Variants in TSPEAR observed in about 807,000 individuals in gnomAD.
TSPEAR encodes thrombospondin type laminin G domain and EAR repeats, also known as thrombospondin-type laminin G domain and EAR repeat-containing protein.
A neutral mutation model predicts 71.6 loss-of-function variants in TSPEAR; 69 were observed. The observed-to-expected ratio is 0.96, with a 90% CI of 0.79 to 1.18. The LOEUF (loss-of-function observed/expected upper bound fraction) is 1.18, where lower values mean the gene tolerates loss of function less well. Among genes scored for constraint, TSPEAR ranks in the 50% most tolerant of loss-of-function variants. The pLI is 0.00. For synonymous variants in TSPEAR, 402 were observed against 387.2 expected (o/e 1.04, Z -0.45); for missense variants, 971 against 894.9 (o/e 1.09, Z -1.09).
At chr21:44,675,920 G>A in intron 1 of TSPEAR, 2 of 783,472 alleles carry the variant, frequency 2.6e-6, no homozygotes, top group East Asian at 2.4e-5. Flanking sequence ...GGCATATGCT[G>A]TCAGGATTTC....
chr21:44,524,047 GTCAC>G lies in TSPEAR; in HGVS notation c.1336+1602_1336+1605del, dbSNP rs587701169. Among the ~76,000 whole-genome samples, 37 of 151,342 alleles carry G rather than the reference GTCAC, an allele frequency of 2.4e-4. 1 individual carries two copies. The South Asian group carries it at 5.9e-3, about 24-fold the overall frequency. Reference sequence around the variant, plus strand: ...CAGGTAGTTAGTCAGTTGTCAGGTAGTCACTCAGTCATCAGTCAGTCAGGTAGTT... The same window carrying G: ...CAGGTAGTTAGTCAGTTGTCAGGTAGTCAGTCATCAGTCAGTCAGGTAGTT... On this transcript the variant is annotated intron_variant, in intron 8 of 11. Transcript: ENST00000323084.
chr21:44,568,092 G>T, intron 1 of TSPEAR, 87 bp from the exon 2 acceptor site: 1 of 1,029,964 alleles, frequency 9.7e-7, no homozygotes, highest in Non-Finnish European at 1.3e-6. Context: ...GGGCATCAGC[G>T]TGGCAGGCAC....
intron 2 of TSPEAR, among the ~76,000 whole-genome samples, chr21:44,556,585 C>G (rs1285436242): frequency 3.9e-5 from 6 of 152,086 alleles, no homozygotes; most frequent in African/African-American, 1.4e-4. Flanking sequence ...CCCAGCTACT[C>G]AGGAGGAGAG....
At chr21:44,633,466 T>C (rs1426929031) in intron 1 of TSPEAR, among the ~76,000 whole-genome samples, 1 of 152,270 alleles carries the variant, frequency 6.6e-6, no homozygotes, top group Admixed American at 6.5e-5. Context: ...CTAACTTCTC[T>C]TTTGATTTAT....
At chr21:44,616,791 T>G (rs1417341227) in intron 1 of TSPEAR, among the ~76,000 whole-genome samples, 2 of 152,240 alleles carry the variant, frequency 1.3e-5, no homozygotes, top group African/African-American at 4.8e-5. Context: ...CAAGCAGCCC[T>G]AAGGCAGCAC....
chr21:44,568,654 G>A (rs1310954659), intron 1 of TSPEAR, among the ~76,000 whole-genome samples: 1 of 152,124 alleles, frequency 6.6e-6, no homozygotes, highest in African/African-American at 2.4e-5. Flanking sequence ...GAGGGCATTC[G>A]GGGCTAGCAG....
At chr21:44,503,347 CA>C (rs2052091916) in intron 11 of TSPEAR, among the ~76,000 whole-genome samples, 1 of 131,186 alleles carries the variant, frequency 7.6e-6, no homozygotes, top group Non-Finnish European at 1.6e-5. Context: ...CGGGGGGAAG[CA>C]AGGCTCTGGG....
intron 1 of TSPEAR, among the ~76,000 whole-genome samples, chr21:44,689,739 A>ATATTTTTTTTTTTTTTTT (rs1555949531): frequency 5.5e-5 from 7 of 128,170 alleles, no homozygotes; most frequent in African/African-American, 2.2e-4. Flanking sequence ...ATATATATAT[A>ATATTTTTTTTTTTTTTTT]TTTTGGGGGG....
chr21:44,677,605 G>T, intron 1 of TSPEAR: 1 of 1,068,570 alleles, frequency 9.4e-7, no homozygotes, highest in Non-Finnish European at 1.4e-6. Context: ...TCAATTGCAG[G>T]GTGATCAGTT....
intron 1 of TSPEAR, among the ~76,000 whole-genome samples, chr21:44,619,728 C>T (rs1286939898): frequency 6.6e-6 from 1 of 152,182 alleles, no homozygotes; most frequent in East Asian, 1.9e-4. Flanking sequence ...AAATAAATAA[C>T]TCATGATATG....
intron 9 of TSPEAR, among the ~76,000 whole-genome samples, chr21:44,511,864 G>T (rs956306271): frequency 6.6e-6 from 1 of 152,266 alleles, no homozygotes; most frequent in Non-Finnish European, 1.5e-5. Context: ...ACTCAGCACT[G>T]TGTAGAGAGA....
At chr21:44,548,343 G>C (rs986069730) in intron 2 of TSPEAR, among the ~76,000 whole-genome samples, 1 of 152,196 alleles carries the variant, frequency 6.6e-6, no homozygotes, top group African/African-American at 2.4e-5. Flanking sequence ...TGTCCTATTG[G>C]GTTGTGCTGC....
At chr21:44,517,604 C>T (rs1477274841) in intron 9 of TSPEAR, 1 of 374,852 alleles carries the variant, frequency 2.7e-6, no homozygotes, top group Non-Finnish European at 5.4e-6. Context: ...TCAGCCCCTT[C>T]CTGCTGCTTC....
intron 1 of TSPEAR, among the ~76,000 whole-genome samples, chr21:44,576,010 G>C (rs587637466): frequency 1.3e-5 from 2 of 152,212 alleles, no homozygotes; most frequent in Non-Finnish European, 2.9e-5. Flanking sequence ...ATGGTCTGAG[G>C]AGTTTTGGGC....
chr21:44,596,167 T>G (rs190971394), intron 1 of TSPEAR, among the ~76,000 whole-genome samples: 66 of 152,338 alleles, frequency 4.3e-4, no homozygotes, highest in African/African-American at 1.4e-3. Flanking sequence ...GTGCCTCAGT[T>G]TGTCACCAGC....
At chr21:44,637,689 A>G (rs1555937214) in intron 1 of TSPEAR, 7 of 1,339,746 alleles carry the variant, frequency 5.2e-6, no homozygotes, top group South Asian at 1.4e-5. Flanking sequence ...TCCCCCTGCC[A>G]GCAGGCCTGC....
chr21:44,612,203 AC>A lies in TSPEAR; in HGVS notation c.83-44199del. The A allele has an allele frequency of 1.9e-6, 3 of 1,613,758 alleles. No individual in the cohort carries two copies. Among genetic ancestry groups the A allele is most frequent in the African/African-American group, 1.3e-5 (1 of 74,940 alleles). ...TGTCAGCCGAGTCTCCTCCCCCAGC[AC>A]CTGCACTGGCTCCTCCTGGCAGGTG... is the stretch of plus-strand genomic sequence containing the variant. On this transcript the variant is annotated intron_variant, in intron 1 of 11. Transcript: ENST00000323084. This position sits in a 1 kb window ranked among gnomAD's most constrained non-coding sequence, Gnocchi z 4.1.
chr21:44,567,759 C>T, intron 2 of TSPEAR, 26 bp downstream of exon 2: 1 of 1,528,850 alleles, frequency 6.5e-7, no homozygotes, highest in Non-Finnish European at 8.8e-7. Context: ...GCTATTATAA[C>T]ACGAAGTGCA....
In TSPEAR at chr21:44,506,820, G is replaced by C. The variant is rs1347514031; in HGVS notation, c.1755-1939C>G. ...AAGCGGCCACGTCGGATGTACCAGT[G>C]GTGGAAGATCCTGTCCGGCTGCACC... On this transcript the variant is annotated intron_variant, in intron 10 of 11. Transcript: ENST00000323084. This position sits in a 1 kb window ranked among gnomAD's most constrained non-coding sequence, Gnocchi z 4.2. 1 of 152,190 alleles carries C rather than the reference G, an allele frequency of 6.6e-6. No homozygotes were observed. The highest frequency in any genetic ancestry group is 1.5e-5 in the Non-Finnish European group (1 of 68,042). The allele number at this position is 152,190 out of a possible 1,614,324, so 9.4% of individuals were successfully genotyped here. A position where few individuals can be genotyped will look rare whatever the true frequency, so the allele number is the denominator to read the frequency against.
Sources: gnomAD v4.1 joint callset for allele counts (sites outside exome capture counted in the v4.1 genomes callset) on GRCh38, gnomAD v4.1.1 for gene constraint, Gnocchi (gnomAD v3.1) non-coding constraint, MANE v1.5 for transcripts, NCBI Gene and HGNC (gene_info 2026-07-23, HGNC 2026-07-21) for gene names.